FAM227A: variants seen among roughly 807,000 people sequenced by gnomAD.
FAM227A encodes the protein protein FAM227A.
Under a neutral mutation model 74.7 loss-of-function variants are expected in FAM227A, and 80 were observed. The observed-to-expected ratio is 1.07, with a 90% CI of 0.89 to 1.29. The LOEUF is 1.29. FAM227A is among the 50% of genes most tolerant of loss of function. The probability of loss-of-function intolerance (pLI) is 0.00; values close to 1 mark genes in which losing one functional copy is unlikely to be tolerated. For synonymous variants in FAM227A, 237 were observed against 241.8 expected, an observed-to-expected ratio of 0.98 and a Z score of 0.19; for missense variants, 654 against 683.4, an observed-to-expected ratio of 0.96 and a Z score of 0.48.
At chr22:38,599,501 T>C (rs2091124422) in intron 14 of FAM227A, among the ~76,000 whole-genome samples, 1 of 152,184 alleles carries the variant, frequency 6.6e-6, no homozygotes, top group Non-Finnish European at 1.5e-5. Context: ...TTCATTCTGG[T>C]AGGTGGAAAA....
In FAM227A at chr22:38,620,286, C is replaced by A; in HGVS notation, c.964G>T (p.Glu322Ter). Residue 322 changes from glutamate (E) to a stop codon, truncating the protein, a stop_gained, in exon 11 of 17, where the codon GAG becomes TAG. Transcript: ENST00000535113. LOFTEE classifies it high-confidence loss of function. ...CTCTTACCAGCAAACAAAGAAAACT[C>A]TCTCCCTATAGAAGGGGAAAAGCTG... ...LYRRRLTKGR[E>*]FSLFAGKRAF... 1 of 1,550,602 alleles carries A rather than the reference C, an allele frequency of 6.4e-7. No homozygotes were observed. The highest frequency in any genetic ancestry group is 8.7e-7 in the Non-Finnish European group (1 of 1,146,018).
At chr22:38,650,414 T>C (rs1173745335) in intron 1 of FAM227A, among the ~76,000 whole-genome samples, 152 bp from the exon 2 acceptor site, 1 of 152,152 alleles carries the variant, frequency 6.6e-6, no homozygotes. Flanking sequence ...TATTCTTAAA[T>C]GAGGATTTCA....
intron 11 of FAM227A, among the ~76,000 whole-genome samples, chr22:38,618,139 A>G (rs1197948948): frequency 6.6e-6 from 1 of 152,226 alleles, no homozygotes; most frequent in East Asian, 1.9e-4. Context: ...TGCCATCCCA[A>G]AATAGGCCAC....
Position 38,582,495 on chromosome 22 carries a change from C to T in FAM227A, c.*3630G>A. Reference sequence around the variant, plus strand: ...TTTTAAATGTTAGTTCCCTTTGATGCTCTACCCCGCTTCCCTTATAAAGGG... The same window carrying T: ...TTTTAAATGTTAGTTCCCTTTGATGTTCTACCCCGCTTCCCTTATAAAGGG... On this transcript the variant is annotated 3_prime_UTR_variant, in exon 17 of 17. Transcript: ENST00000535113. 1 of 1,363,688 alleles carries T rather than the reference C, an allele frequency of 7.3e-7. No homozygotes were observed. Among genetic ancestry groups the T allele is most frequent in the African/African-American group, 1.4e-5 (1 of 69,426 alleles). The allele number at this position is 1,363,688 out of a possible 1,614,324, so 84.5% of individuals were successfully genotyped here. A position where few individuals can be genotyped will look rare whatever the true frequency, so the allele number is the denominator to read the frequency against.
intron 13 of FAM227A, among the ~76,000 whole-genome samples, chr22:38,602,606 T>A (rs1404056761): frequency 6.6e-6 from 1 of 152,258 alleles, no homozygotes; most frequent in Non-Finnish European, 1.5e-5. Context: ...ATTTGTGATA[T>A]TAATGACTTT....
chr22:38,641,164 T>G (rs2092106355), intron 3 of FAM227A, among the ~76,000 whole-genome samples: 1 of 151,644 alleles, frequency 6.6e-6, no homozygotes, highest in Non-Finnish European at 1.5e-5. Flanking sequence ...AAGAGCAAGT[T>G]TTGGGGGGAA....
chr22:38,604,781 G>C (rs1194707963), intron 13 of FAM227A, among the ~76,000 whole-genome samples: 1 of 152,074 alleles, frequency 6.6e-6, no homozygotes, highest in Non-Finnish European at 1.5e-5. Flanking sequence ...AGCCTCCCAA[G>C]TGGCTGGGAT....
At position 38,581,112 on chromosome 22, in the gene FAM227A, T is replaced by G. The variant is rs541304090; in HGVS notation, c.*5013A>C. The G allele has an allele frequency of 6.6e-6, 1 of 152,312 alleles. No homozygotes were observed. Among genetic ancestry groups the G allele is most frequent in the Admixed American group, 6.5e-5 (1 of 15,288 alleles). The allele number at this position is 152,312 out of a possible 1,614,324, so 9.4% of individuals were successfully genotyped here. A position where few individuals can be genotyped will look rare whatever the true frequency, so the allele number is the denominator to read the frequency against. ...GTTTTTTAAAAGTCACAATATGAAC[T>G]TACAGGTGAGAACACGTTTGACGTG... is the stretch of plus-strand genomic sequence containing the variant. On this transcript the variant is annotated 3_prime_UTR_variant, in exon 17 of 17. Coordinates refer to ENST00000535113, the MANE Select transcript of FAM227A (RefSeq NM_001013647.2).
intron 6 of FAM227A, among the ~76,000 whole-genome samples, chr22:38,630,756 TAA>T (rs938422296): frequency 3.3e-5 from 5 of 152,130 alleles, no homozygotes; most frequent in Non-Finnish European, 7.4e-5. Flanking sequence ...GTTTCACAGA[TAA>T]AGAGACATTT....
chr22:38,597,431 GTGCAT>G, intron 14 of FAM227A, 75 bp from the exon 15 acceptor site: 1 of 1,416,546 alleles, frequency 7.1e-7, no homozygotes, highest in Non-Finnish European at 9.8e-7. Flanking sequence ...CATGAGCGCA[GTGCAT>G]GGGGAAGAGG....
chr22:38,631,809 CTG>C (rs2091920529), intron 6 of FAM227A, among the ~76,000 whole-genome samples: 1 of 152,142 alleles, frequency 6.6e-6, no homozygotes, highest in Non-Finnish European at 1.5e-5. Flanking sequence ...GGGCAGAACA[CTG>C]TGACATTGGT....
At position 38,579,134 on chromosome 22, in the gene FAM227A, T is replaced by C. The variant is rs936164018; in HGVS notation, c.*6991A>G. On this transcript the variant is annotated 3_prime_UTR_variant, in exon 17 of 17. Coordinates refer to ENST00000535113, the MANE Select transcript of FAM227A (RefSeq NM_001013647.2). ...CAGGCTTGTATATTCATATCTTGAC[T>C]TTATTTTCCTGTCATAAGTACACAT... is the stretch of plus-strand genomic sequence containing the variant. 2 of 152,206 alleles carry C rather than the reference T, an allele frequency of 1.3e-5. No homozygotes were observed. The allele number at this position is 152,206 out of a possible 1,614,324, so 9.4% of individuals were successfully genotyped here.
chr22:38,582,286 C>A lies in FAM227A; in HGVS notation c.*3839G>T. 1 of 1,478,060 alleles carries A rather than the reference C, an allele frequency of 6.8e-7. No homozygotes were observed. The highest frequency in any genetic ancestry group is 9.2e-7 in the Non-Finnish European group (1 of 1,085,014). 91.6% of individuals were successfully genotyped at this position (1,478,060 alleles called of 1,614,324 possible). A position where few individuals can be genotyped will look rare whatever the true frequency, so the allele number is the denominator to read the frequency against. On this transcript the variant is annotated 3_prime_UTR_variant, in exon 17 of 17. Transcript: ENST00000535113. ...ACTGTATGTTCTAAAACATACATTT[C>A]ATCATCAATTCATAAGCAATTCAAA...
At chr22:38,621,104 A>C (rs1337949010) in intron 10 of FAM227A, among the ~76,000 whole-genome samples, 1 of 152,086 alleles carries the variant, frequency 6.6e-6, no homozygotes, top group African/African-American at 2.4e-5. Context: ...TGGGAGGCCA[A>C]GGTGGGTGGA....
rs5750631 is a variant in FAM227A, at chr22:38,591,407, T to G, written c.1638+28A>C. ...CCATGGTTTTTGTTCGAACAACCCT[T>G]AAACTCAATTTCTCTTTGGAGACTT... On this transcript the variant is annotated intron_variant, in intron 16 of 16. Transcript: ENST00000535113. 875 of 1,550,456 alleles carry G rather than the reference T, an allele frequency of 5.6e-4. 10 individuals carry two copies. The East Asian group carries it at 0.016, about 29-fold the overall frequency.
At chr22:38,630,765 A>AT (rs2091900537) in intron 6 of FAM227A, among the ~76,000 whole-genome samples, 1 of 152,188 alleles carries the variant, frequency 6.6e-6, no homozygotes, top group African/African-American at 2.4e-5. Context: ...ATAAAGAGAC[A>AT]TTTACAACAG....
At chr22:38,610,622 A>T (rs2091392180) in intron 11 of FAM227A, among the ~76,000 whole-genome samples, 1 of 152,212 alleles carries the variant, frequency 6.6e-6, no homozygotes, top group African/African-American at 2.4e-5. Context: ...TATGCAAAGA[A>T]AACCCGAACA....
chr22:38,638,783 G>A lies in FAM227A; in HGVS notation c.335C>T (p.Ser112Phe). 1.9e-6 allele frequency: 3 copies of A among 1,543,722 alleles called. No individual in the cohort carries two copies. The highest frequency in any genetic ancestry group is 2.4e-5 in the East Asian group (1 of 40,846). The change falls in exon 5 of 17, where the codon TCC (serine) becomes TTC (phenylalanine). Residue 112 changes from serine (S) to phenylalanine (F), a missense_variant. Coordinates refer to ENST00000535113, the MANE Select transcript of FAM227A (RefSeq NM_001013647.2). ...QRKSQYSCKG[S>F]ELRHARSSVI... The stretch of plus-strand genomic sequence containing the variant: ...AGAAGATCTGGCATGTCTGAGTTCG[G>A]AGCCTTTGCAGGAATACTGAGATTT...
At chr22:38,626,340 A>G in intron 8 of FAM227A, 37 bp from the exon 9 acceptor site, 2 of 1,536,124 alleles carry the variant, frequency 1.3e-6, no homozygotes, top group Non-Finnish European at 1.8e-6. Context: ...CGTTCTCAAC[A>G]TTTCCACCCG....
Sources: allele counts gnomAD v4.1 joint callset (sites outside exome capture counted in the v4.1 genomes callset), GRCh38; gene constraint gnomAD v4.1.1; transcripts MANE v1.5; gene names NCBI Gene and HGNC (gene_info 2026-07-23, HGNC 2026-07-21).